The following ANKFN1 variants were observed in gnomAD, a reference collection of about 807,000 sequenced individuals.
ANKFN1 encodes ankyrin repeat and fibronectin type-III domain-containing protein 1.
A neutral mutation model predicts 108.7 loss-of-function variants in ANKFN1; 74 were observed. That is an observed-to-expected ratio of 0.68 (90% CI 0.56 to 0.83). The LOEUF is 0.83. Ranked by LOEUF, ANKFN1 falls within the 40% of genes least tolerant of loss-of-function variation. The pLI is 0.00. For synonymous variants in ANKFN1, 547 were observed against 516.2 expected (o/e 1.06, Z -0.81); for missense variants, 1,505 against 1,382.3 (o/e 1.09, Z -1.41).
chr17:56,251,148 T>C (rs935188967), intron 3 of ANKFN1, among the ~76,000 whole-genome samples: 1 of 152,214 alleles, frequency 6.6e-6, no homozygotes, highest in African/African-American at 2.4e-5. Flanking sequence ...CCCAGCACTT[T>C]GGGAGGCCAA....
chr17:56,359,990 A>G (rs796421590), intron 6 of ANKFN1, among the ~76,000 whole-genome samples: 1 of 152,318 alleles, frequency 6.6e-6, no homozygotes, highest in African/African-American at 2.4e-5. Flanking sequence ...GCCTAGCGTC[A>G]TCACCCTCTG....
chr17:56,258,853 G>A (rs1255810262), intron 3 of ANKFN1, among the ~76,000 whole-genome samples: 3 of 152,160 alleles, frequency 2.0e-5, no homozygotes, highest in African/African-American at 4.8e-5. Flanking sequence ...GGAGCTTGCA[G>A]TGAGCCAAGA....
At chr17:56,208,396 G>T (rs1433253011) in intron 1 of ANKFN1, among the ~76,000 whole-genome samples, 2 of 152,116 alleles carry the variant, frequency 1.3e-5, no homozygotes, top group Non-Finnish European at 2.9e-5. Context: ...TGCATTATAG[G>T]ATTTTTAGCA....
At chr17:56,258,396 G>A (rs1490332205) in intron 3 of ANKFN1, 1 of 152,138 alleles carries the variant, frequency 6.6e-6, no homozygotes, top group Non-Finnish European at 1.5e-5. Context: ...TCTAAATTAT[G>A]TCAATTTTGC....
In ANKFN1 at chr17:56,383,571, A is replaced by T. The variant is rs189318208; in HGVS notation, c.910+8857A>T. ...TTTTTTGAAAGGATCAACAAAATTG[A>T]TAGACCACTAGCAAGACTAATAAAG... On this transcript the variant is annotated intron_variant, in intron 8 of 20. Coordinates refer to ENST00000682825, the MANE Select transcript of ANKFN1 (RefSeq NM_001370326.1). Among the ~76,000 whole-genome samples, 23 of 152,324 alleles carry T rather than the reference A, an allele frequency of 1.5e-4. No individual in the cohort carries two copies. In the East Asian group the frequency reaches 4.2e-3, roughly 28 times the overall value.
Position 56,374,705 on chromosome 17 carries a change from AG to A in ANKFN1, c.903del (p.Arg301SerfsTer27), listed in dbSNP as rs761643940. ...PLSVNAAVVT[R>X]YKVEWSMSED... is the part of the protein sequence containing the mutation. ...TAGCGTCAATGCAGCTGTAGTAACCAGGTATAAAGGTACTGGACCCAAGACA... is the reference window on the plus strand; with the variant it reads ...TAGCGTCAATGCAGCTGTAGTAACCAGTATAAAGGTACTGGACCCAAGACA... On this transcript the variant is annotated frameshift_variant, in exon 8 of 21. Coordinates refer to ENST00000682825, the MANE Select transcript of ANKFN1 (RefSeq NM_001370326.1). LOFTEE classifies it high-confidence loss of function. 1.9e-6 allele frequency: 3 copies of A among 1,611,354 alleles called. No individual in the cohort carries two copies. In the East Asian group the frequency reaches 6.7e-5, roughly 36 times the overall value.
intron 8 of ANKFN1, among the ~76,000 whole-genome samples, chr17:56,410,169 T>G (rs924147765): frequency 4.6e-5 from 7 of 152,170 alleles, no homozygotes. Context: ...CACTGCAACC[T>G]CCACCTCCCA....
At chr17:56,073,261 G>T (rs891481072) in intron 4 of ANKFN1, among the ~76,000 whole-genome samples, 8 of 152,094 alleles carry the variant, frequency 5.3e-5, no homozygotes, top group African/African-American at 1.9e-4. Context: ...CAAAGTGCTG[G>T]GATTATAGGC....
chr17:56,417,877 C>T (rs2048287700), intron 8 of ANKFN1, among the ~76,000 whole-genome samples: 1 of 152,136 alleles, frequency 6.6e-6, no homozygotes, highest in Admixed American at 6.5e-5. Flanking sequence ...TTCTTCAAGG[C>T]GTTAGGTCTT....
intron 8 of ANKFN1, among the ~76,000 whole-genome samples, chr17:56,383,318 A>G (rs563437592): frequency 6.6e-6 from 1 of 152,356 alleles, no homozygotes; most frequent in African/African-American, 2.4e-5. Flanking sequence ...TCTCTGGGAC[A>G]CATTCAAAGC....
At chr17:56,316,611 T>A (rs2045215205) in intron 3 of ANKFN1, among the ~76,000 whole-genome samples, 1 of 152,106 alleles carries the variant, frequency 6.6e-6, no homozygotes, top group Non-Finnish European at 1.5e-5. Context: ...TAAGCCTGGA[T>A]TCAAATGCCA....
At chr17:56,389,157 C>A (rs995333417) in intron 8 of ANKFN1, among the ~76,000 whole-genome samples, 2 of 152,146 alleles carry the variant, frequency 1.3e-5, no homozygotes, top group African/African-American at 4.8e-5. Flanking sequence ...TGGAAATAAT[C>A]CAGATGTCCT....
intron 8 of ANKFN1, among the ~76,000 whole-genome samples, chr17:56,431,568 G>T (rs138827609): frequency 6.6e-6 from 1 of 152,286 alleles, no homozygotes; most frequent in Non-Finnish European, 1.5e-5. Context: ...CCCCGATTCT[G>T]TACTTCTACA....
intron 4 of ANKFN1, among the ~76,000 whole-genome samples, chr17:56,139,494 A>G (rs1446458450): frequency 6.6e-6 from 1 of 152,148 alleles, no homozygotes; most frequent in African/African-American, 2.4e-5. Flanking sequence ...TTGGTTGCCA[A>G]ATTTGTTTTT....
chr17:56,226,469 G>T (rs376460737), intron 2 of ANKFN1, among the ~76,000 whole-genome samples: 81 of 152,230 alleles, frequency 5.3e-4, no homozygotes, highest in African/African-American at 1.8e-3. Context: ...GCTAAAACAC[G>T]TAGAGATTTT....
intron 4 of ANKFN1, among the ~76,000 whole-genome samples, chr17:56,340,905 T>C (rs1270275895): frequency 1.3e-5 from 2 of 152,200 alleles, no homozygotes; most frequent in African/African-American, 4.8e-5. Context: ...AGTATGGCCA[T>C]TTTCATGATA....
intron 4 of ANKFN1, among the ~76,000 whole-genome samples, chr17:56,092,737 G>C (rs545713757): frequency 7.9e-5 from 12 of 151,208 alleles, no homozygotes; most frequent in African/African-American, 2.4e-4. Context: ...AGTCTCATCT[G>C]GGAGGGTCTG....
Position 56,374,685 on chromosome 17 carries a change from T to A in ANKFN1, c.881T>A (p.Val294Asp). ...GTCAGCTTCCAAGAGCCTCTTAGCG[T>A]CAATGCAGCTGTAGTAACCAGGTAT... ...LTVSFQEPLS[V>D]NAAVVTRYKV... The change falls in exon 8 of 21, where the codon GTC becomes GAC. Residue 294 changes from valine (V) to aspartate (D), a missense_variant. By Grantham distance (152) the Val-to-Asp change is radical. Coordinates refer to ENST00000682825, the MANE Select transcript of ANKFN1 (RefSeq NM_001370326.1). 6.2e-7 allele frequency: 1 copy of A among 1,613,842 alleles called. No homozygotes were observed. The highest frequency in any genetic ancestry group is 2.2e-5 in the East Asian group (1 of 44,860).
At chr17:56,070,959 C>T (rs1014592539) in intron 4 of ANKFN1, among the ~76,000 whole-genome samples, 6 of 151,634 alleles carry the variant, frequency 4.0e-5, no homozygotes, top group Non-Finnish European at 7.4e-5. Flanking sequence ...TGGTCTCGAT[C>T]TCTCGACCTC....
Sources: allele counts gnomAD v4.1 joint callset (sites outside exome capture counted in the v4.1 genomes callset), GRCh38; gene constraint gnomAD v4.1.1; transcripts MANE v1.5; gene names NCBI Gene and HGNC (gene_info 2026-07-23, HGNC 2026-07-21).